KCNMB4: variants seen among roughly 807,000 people sequenced by gnomAD.
KCNMB4 encodes potassium calcium-activated channel subfamily M regulatory beta subunit 4, also known as calcium-activated potassium channel subunit beta-4.
KCNMB4 carries 3 observed loss-of-function variants against 20.7 expected under a neutral mutation model. The ratio of observed to expected loss-of-function variants is 0.14; its 90% confidence interval spans 0.07 to 0.37. The LOEUF is 0.37. Among genes scored for constraint, KCNMB4 ranks in the 10% least tolerant of loss-of-function variants. The pLI is 1.00. For synonymous variants in KCNMB4, 110 were observed against 113.4 expected, an observed-to-expected ratio of 0.97 and a Z score of 0.19; for missense variants, 168 against 265.9, an observed-to-expected ratio of 0.63 and a Z score of 2.56.
In KCNMB4 at chr12:70,431,228, G is replaced by A. The variant is rs945439673; in HGVS notation, c.*575G>A. The A allele has an allele frequency of 1.2e-4, 19 of 152,106 alleles. No homozygotes were observed. The highest frequency in any genetic ancestry group is 4.6e-4 in the African/African-American group (19 of 41,410). The allele number at this position is 152,106 out of a possible 1,614,324, so 9.4% of individuals were successfully genotyped here. The stretch of plus-strand genomic sequence containing the variant: ...TGCTTGGAAAATGAATAGTATACTG[G>A]TAACTCAGTCTCCAGTCACCTCTGT... On this transcript the variant is annotated 3_prime_UTR_variant, in exon 3 of 3. Transcript: ENST00000258111.
Position 70,382,173 on chromosome 12 carries a change from C to T in KCNMB4, c.336+15103C>T, listed in dbSNP as rs1041048835. 4.6e-5 allele frequency among the ~76,000 whole-genome samples: 7 copies of T among 152,076 alleles called. 1 individual carries two copies. Among genetic ancestry groups the T allele is most frequent in the African/African-American group, 1.2e-4 (5 of 41,532 alleles). ...ATAAAATTTTAAAGGTGGCCGGGCG[C>T]GGTGGCTCACGCCTGTAATCCCAGC... On this transcript the variant is annotated intron_variant, in intron 1 of 2. Coordinates refer to ENST00000258111, the MANE Select transcript of KCNMB4 (RefSeq NM_014505.6).
chr12:70,385,366 G>C (rs1004046796), intron 1 of KCNMB4, among the ~76,000 whole-genome samples: 2 of 152,172 alleles, frequency 1.3e-5, no homozygotes, highest in African/African-American at 4.8e-5. Flanking sequence ...TCCTCAATCT[G>C]TTGAGCTTTC....
In KCNMB4 at chr12:70,433,330, C is replaced by A. The variant is rs373184836; in HGVS notation, c.*2677C>A. On this transcript the variant is annotated 3_prime_UTR_variant, in exon 3 of 3. Transcript: ENST00000258111. ...TCACATAGCAATCCAGAAGTGGCTT[C>A]ATTTCACAAGGTATTCAAGGGATAT... 1 of 152,176 alleles carries A rather than the reference C, an allele frequency of 6.6e-6. No homozygotes were observed. Among genetic ancestry groups the A allele is most frequent in the Non-Finnish European group, 1.5e-5 (1 of 68,030 alleles). The allele number at this position is 152,176 out of a possible 1,614,324, so 9.4% of individuals were successfully genotyped here.
intron 1 of KCNMB4, among the ~76,000 whole-genome samples, chr12:70,380,476 T>G (rs1306738876): frequency 6.6e-6 from 1 of 152,166 alleles, no homozygotes. Flanking sequence ...GCCAATGGAC[T>G]TGTTCTCAGG....
At chr12:70,398,919 T>C (rs2136128881) in intron 1 of KCNMB4, among the ~76,000 whole-genome samples, 1 of 152,214 alleles carries the variant, frequency 6.6e-6, no homozygotes, top group African/African-American at 2.4e-5. Context: ...TTAACTGTGG[T>C]AGAAGAAAAA....
At chr12:70,388,901 G>A (rs1399207615) in intron 1 of KCNMB4, among the ~76,000 whole-genome samples, 2 of 151,720 alleles carry the variant, frequency 1.3e-5, no homozygotes, top group Non-Finnish European at 2.9e-5. Context: ...TGAGGGTAAG[G>A]AGTAGTACTC....
At chr12:70,413,742 G>C (rs749825536) in intron 2 of KCNMB4, among the ~76,000 whole-genome samples, 5 of 152,156 alleles carry the variant, frequency 3.3e-5, no homozygotes, top group African/African-American at 4.8e-5. Flanking sequence ...AACGACTCTT[G>C]TGACAGTGGA....
chr12:70,432,959 A>T lies in KCNMB4; in HGVS notation c.*2306A>T, dbSNP rs1191241266. On this transcript the variant is annotated 3_prime_UTR_variant, in exon 3 of 3. Transcript: ENST00000258111. ...GTTTTCATTTATCAGTTTGATATTC[A>T]TGCATTTACACTAAACGCTTCCATT... 1 of 152,196 alleles carries T rather than the reference A, an allele frequency of 6.6e-6. No homozygotes were observed. Among genetic ancestry groups the T allele is most frequent in the Non-Finnish European group, 1.5e-5 (1 of 68,028 alleles). 9.4% of individuals were successfully genotyped at this position (152,196 alleles called of 1,614,324 possible). A position where few individuals can be genotyped will look rare whatever the true frequency, so the allele number is the denominator to read the frequency against.
intron 2 of KCNMB4, among the ~76,000 whole-genome samples, chr12:70,422,161 CA>C (rs1174488628): frequency 1.1e-4 from 16 of 152,182 alleles, no homozygotes; most frequent in African/African-American, 3.6e-4. Flanking sequence ...TAATCTGTCT[CA>C]AATGAAGAAT....
chr12:70,418,273 C>T (rs1380485463), intron 2 of KCNMB4, among the ~76,000 whole-genome samples: 1 of 152,154 alleles, frequency 6.6e-6, no homozygotes, highest in East Asian at 1.9e-4. Flanking sequence ...CGGTTTCTCA[C>T]ACCCACGTTG....
intron 1 of KCNMB4, among the ~76,000 whole-genome samples, chr12:70,382,804 A>G (rs1265232889): frequency 6.6e-6 from 1 of 152,250 alleles, no homozygotes; most frequent in Non-Finnish European, 1.5e-5. Flanking sequence ...AGAATTACAA[A>G]TAAAAACATG....
chr12:70,378,061 T>C (rs1883719112), intron 1 of KCNMB4, among the ~76,000 whole-genome samples: 1 of 151,864 alleles, frequency 6.6e-6, no homozygotes, highest in South Asian at 2.1e-4. Context: ...GTGACTCTCC[T>C]GCGTCAGCCT....
At chr12:70,416,113 G>T (rs558327358) in intron 2 of KCNMB4, among the ~76,000 whole-genome samples, 7 of 152,296 alleles carry the variant, frequency 4.6e-5, no homozygotes, top group African/African-American at 1.7e-4. Flanking sequence ...AGCCCTTCCT[G>T]GTGTGTGTCA....
At chr12:70,373,756 T>TA (rs1883638546) in intron 1 of KCNMB4, among the ~76,000 whole-genome samples, 1 of 152,202 alleles carries the variant, frequency 6.6e-6, no homozygotes, top group East Asian at 1.9e-4. Context: ...TGGTGGCTCT[T>TA]ACCTATAATC....
At chr12:70,413,140 TG>T (rs1055837677) in intron 2 of KCNMB4, among the ~76,000 whole-genome samples, 99 of 152,220 alleles carry the variant, frequency 6.5e-4, no homozygotes, top group African/African-American at 2.3e-3. Flanking sequence ...CAGTATGCTG[TG>T]GAATATATAT....
chr12:70,414,221 G>C (rs1262724000), intron 2 of KCNMB4, among the ~76,000 whole-genome samples: 2 of 152,058 alleles, frequency 1.3e-5, no homozygotes, highest in Non-Finnish European at 2.9e-5. Context: ...GACAGAGCGA[G>C]ACTCTGTCTC....
intron 2 of KCNMB4, among the ~76,000 whole-genome samples, chr12:70,406,583 C>G (rs933419898): frequency 1.3e-5 from 2 of 152,184 alleles, no homozygotes; most frequent in South Asian, 4.1e-4. Context: ...GAATCAGGTG[C>G]TTCCTTGAAG....
Position 70,369,460 on chromosome 12 carries a change from T to G in KCNMB4, c.336+2390T>G, listed in dbSNP as rs932185963. Among the ~76,000 whole-genome samples the G allele has an allele frequency of 2.0e-5, 3 of 152,350 alleles. No individual in the cohort carries two copies. The East Asian group carries it at 5.8e-4, about 29-fold the overall frequency. On this transcript the variant is annotated intron_variant, in intron 1 of 2. Coordinates refer to ENST00000258111, the MANE Select transcript of KCNMB4 (RefSeq NM_014505.6). Reference sequence around the variant, plus strand: ...GATCTTTTCTTTGCCTTACTTTACCTCTTTATTGAAGGCCTATGCTTCCCC... The same window carrying G: ...GATCTTTTCTTTGCCTTACTTTACCGCTTTATTGAAGGCCTATGCTTCCCC...
rs116956975 is a variant in KCNMB4 at position 70,397,425 on chromosome 12, A to G, written c.337-2784A>G. ...TTGTTAAGTATAGATCACTTAATCT[A>G]TGTCACTCTTTGGAAAGAATGCAGT... On this transcript the variant is annotated intron_variant, in intron 1 of 2. Coordinates refer to ENST00000258111, the MANE Select transcript of KCNMB4 (RefSeq NM_014505.6). Among the ~76,000 whole-genome samples the G allele has an allele frequency of 8.3e-4, 127 of 152,328 alleles. 3 individuals are homozygous for G. The East Asian group carries it at 0.011, about 13-fold the overall frequency.
Sources: allele counts gnomAD v4.1 joint callset (sites outside exome capture counted in the v4.1 genomes callset), GRCh38; gene constraint gnomAD v4.1.1; transcripts MANE v1.5; gene names NCBI Gene and HGNC (gene_info 2026-07-23, HGNC 2026-07-21).